The following BAZ1B variants were observed in gnomAD, a reference collection of about 807,000 sequenced individuals.
BAZ1B encodes bromodomain adjacent to zinc finger domain 1B, also known as tyrosine-protein kinase BAZ1B.
Under a neutral mutation model 153.8 loss-of-function variants are expected in BAZ1B, and 22 were observed. The ratio of observed to expected loss-of-function variants is 0.14; its 90% CI spans 0.10 to 0.20. The LOEUF is 0.20. Ranked by LOEUF, BAZ1B falls within the 10% of genes least tolerant of loss-of-function variation. The pLI is 1.00. For synonymous variants in BAZ1B, 676 were observed against 633.4 expected (o/e 1.07, Z -1.01); for missense variants, 1,325 against 1,799.3 (o/e 0.74, Z 4.77).
At chr7:73,494,003 A>G (rs1789768031) in intron 4 of BAZ1B, among the ~76,000 whole-genome samples, 1 of 152,206 alleles carries the variant, frequency 6.6e-6, no homozygotes, top group East Asian at 1.9e-4. Flanking sequence ...ATACCATTTA[A>G]AGAGATTAGA....
At chr7:73,446,382 C>T (rs1447089824) in intron 16 of BAZ1B, among the ~76,000 whole-genome samples, 2 of 151,842 alleles carry the variant, frequency 1.3e-5, no homozygotes, top group South Asian at 2.1e-4. Flanking sequence ...CTCAGGAGTT[C>T]GAGACCAGCC....
At chr7:73,516,857 T>C (rs1790825500) in intron 1 of BAZ1B, among the ~76,000 whole-genome samples, 1 of 146,370 alleles carries the variant, frequency 6.8e-6, no homozygotes, top group African/African-American at 2.7e-5. Flanking sequence ...TTTGTGTAAC[T>C]GTTCTGGTAA....
At chr7:73,510,966 TGA>T in intron 1 of BAZ1B, 114 bp from the exon 2 acceptor site, 1 of 862,858 alleles carries the variant, frequency 1.2e-6, no homozygotes, top group Non-Finnish European at 1.8e-6. Context: ...ATGTGTAGCA[TGA>T]GAGGATAAAA....
chr7:73,485,709 C>T (rs1554574398), intron 6 of BAZ1B, among the ~76,000 whole-genome samples: 1 of 151,044 alleles, frequency 6.6e-6, no homozygotes, highest in Admixed American at 6.6e-5. Context: ...AAAGAGTACA[C>T]AGAAATTTGG....
At chr7:73,451,064 G>A (rs1190075605) in intron 13 of BAZ1B, 70 bp from the exon 14 acceptor site, 1 of 1,561,390 alleles carries the variant, frequency 6.4e-7, no homozygotes, top group South Asian at 1.2e-5. Context: ...CTAGGAACAG[G>A]GGACAGTATG....
chr7:73,451,362 C>T (rs896594084), intron 13 of BAZ1B, among the ~76,000 whole-genome samples: 4 of 152,198 alleles, frequency 2.6e-5, no homozygotes, highest in Non-Finnish European at 5.9e-5. Flanking sequence ...CACCACCAAT[C>T]CAATACCACA....
chr7:73,517,770 C>G (rs1266578970), intron 1 of BAZ1B, among the ~76,000 whole-genome samples: 11 of 152,148 alleles, frequency 7.2e-5, no homozygotes, highest in Non-Finnish European at 1.6e-4. Context: ...AAGATATTTT[C>G]GAATCCTAGA....
intron 10 of BAZ1B, among the ~76,000 whole-genome samples, 165 bp from the exon 11 acceptor site, chr7:73,465,702 T>C (rs1554571079): frequency 6.6e-6 from 1 of 152,218 alleles, no homozygotes; most frequent in Non-Finnish European, 1.5e-5. Context: ...ACTATTTTCA[T>C]GATGCCTAAT....
rs140686642 is a variant in BAZ1B at position 73,442,818 on chromosome 7, G to A, written c.4001C>T (p.Thr1334Ile). Reference protein sequence around the residue: ...DAEVDELVLQTKRSSRRQSLE... With the variant: ...DAEVDELVLQIKRSSRRQSLE... Reference sequence around the variant, plus strand: ...GCTTTGCCTCCGGGAGCTCCGCTTGGTCTGAAGCACCTGGCAGGAAAGAAA... The same window carrying A: ...GCTTTGCCTCCGGGAGCTCCGCTTGATCTGAAGCACCTGGCAGGAAAGAAA... The change falls in exon 18 of 20, where the codon ACC becomes ATC. Residue 1334 changes from threonine (T) to isoleucine (I), a missense_variant. Transcript: ENST00000339594. 1 of 1,613,172 alleles carries A rather than the reference G, an allele frequency of 6.2e-7. No homozygotes were observed. The highest frequency in any genetic ancestry group is 8.5e-7 in the Non-Finnish European group (1 of 1,179,316).
At chr7:73,501,066 G>C (rs1554577056) in intron 3 of BAZ1B, among the ~76,000 whole-genome samples, 1 of 152,048 alleles carries the variant, frequency 6.6e-6, no homozygotes, top group Non-Finnish European at 1.5e-5. Flanking sequence ...AGACCAGCCT[G>C]ACCAACATGG....
chr7:73,444,536 G>A (rs1787753313), intron 16 of BAZ1B, among the ~76,000 whole-genome samples: 1 of 152,204 alleles, frequency 6.6e-6, no homozygotes, highest in African/African-American at 2.4e-5. Context: ...GTATTTACAT[G>A]TAAGATGGAA....
At chr7:73,474,988 T>C (rs1375331480) in intron 7 of BAZ1B, among the ~76,000 whole-genome samples, 2 of 152,160 alleles carry the variant, frequency 1.3e-5, no homozygotes, top group Non-Finnish European at 2.9e-5. Context: ...TCAACATCAT[T>C]AGCCATCAAA....
chr7:73,520,082 G>A (rs1231736186), intron 1 of BAZ1B, among the ~76,000 whole-genome samples: 1 of 151,908 alleles, frequency 6.6e-6, no homozygotes, highest in Non-Finnish European at 1.5e-5. Context: ...GGTGGCACGC[G>A]CCTGTAATCC....
chr7:73,484,529 G>A (rs1325832751), intron 6 of BAZ1B, among the ~76,000 whole-genome samples: 10 of 151,902 alleles, frequency 6.6e-5, no homozygotes, highest in Admixed American at 2.6e-4. Flanking sequence ...CTGTGGTCTC[G>A]GCTACTCAGG....
intron 13 of BAZ1B, among the ~76,000 whole-genome samples, chr7:73,451,429 C>CTT (rs1334021984): frequency 2.6e-5 from 4 of 152,150 alleles, no homozygotes; most frequent in Non-Finnish European, 5.9e-5. Context: ...AATGAATCTC[C>CTT]TAAAGGAAAA....
At chr7:73,454,339 G>T (rs183832790) in intron 13 of BAZ1B, among the ~76,000 whole-genome samples, 187 of 152,074 alleles carry the variant, frequency 1.2e-3, no homozygotes, top group South Asian at 8.1e-3. Context: ...ACACAGGAAG[G>T]TGAAAACTAA....
chr7:73,520,149 C>G (rs1174785811), intron 1 of BAZ1B, among the ~76,000 whole-genome samples: 3 of 147,786 alleles, frequency 2.0e-5, no homozygotes, highest in African/African-American at 7.6e-5. Context: ...GCGGAGATGG[C>G]AGTGAGCCCA....
chr7:73,505,327 A>T (rs1332283654), intron 3 of BAZ1B, among the ~76,000 whole-genome samples: 1 of 152,208 alleles, frequency 6.6e-6, no homozygotes, highest in Middle Eastern at 3.2e-3. Context: ...TAAGGACCAG[A>T]ACTCAACACA....
Position 73,469,647 on chromosome 7 carries a change from G to A in BAZ1B, c.2736C>T (p.Tyr912=), listed in dbSNP as rs1788722217. The change falls in exon 9 of 20, where the codon TAC becomes TAT. Residue 912 remains tyrosine (Y), a synonymous_variant. Transcript: ENST00000339594. ...CTGGAACTTCATCTGAGAAGAGCCA[G>A]TATCTACAAATCACAACCAGTATTA... The part of the protein sequence containing the change: ...PIGTDRNHNR[Y]WLFSDEVPGL... The A allele has an allele frequency of 6.2e-7, 1 of 1,613,890 alleles. No homozygotes were observed. Among genetic ancestry groups the A allele is most frequent in the Non-Finnish European group, 8.5e-7 (1 of 1,179,944 alleles).
Sources: allele counts gnomAD v4.1 joint callset (sites outside exome capture counted in the v4.1 genomes callset), GRCh38; gene constraint gnomAD v4.1.1; transcripts MANE v1.5; gene names NCBI Gene and HGNC (gene_info 2026-07-23, HGNC 2026-07-21).